USP28: variants seen among roughly 807,000 people sequenced by gnomAD.
USP28 encodes the protein ubiquitin carboxyl-terminal hydrolase 28.
A neutral mutation model predicts 145.0 loss-of-function variants in USP28; 113 were observed. That is an observed-to-expected ratio of 0.78 (90% CI 0.67 to 0.91). The LOEUF is 0.91. Ranked by LOEUF, USP28 falls within the 40% of genes least tolerant of loss-of-function variation. USP28 has a pLI of 0.00. For synonymous variants in USP28, 447 were observed against 450.9 expected (o/e 0.99, Z 0.11); for missense variants, 1,201 against 1,289.6 (o/e 0.93, Z 1.05).
rs1216478531 is a variant in USP28 at position 113,870,024 on chromosome 11, T to C, written c.57+5421A>G. On this transcript the variant is annotated intron_variant, in intron 1 of 24. Coordinates refer to ENST00000003302, the Ensembl canonical transcript of USP28. ...CTAAAAATACAAAATTAGCTGGGCA[T>C]GGTGGTGCATGCCTGTAATCCCAGC... 3.3e-5 allele frequency among the ~76,000 whole-genome samples: 5 copies of C among 152,046 alleles called. 1 individual carries two copies. The South Asian group carries it at 1.0e-3, about 32-fold the overall frequency.
exon 25 of USP28, chr11:113,798,192 A>T (rs1340685052): frequency 6.7e-6 from 1 of 150,188 alleles, no homozygotes; most frequent in African/African-American, 2.5e-5. Flanking sequence ...AGGCAGATAG[A>T]TCACTTGAGG....
intron 18 of USP28, 69 bp from the exon 19 acceptor site, chr11:113,808,205 A>G (rs895209139): frequency 1.9e-6 from 3 of 1,553,838 alleles, no homozygotes; most frequent in South Asian, 1.2e-5. Flanking sequence ...GGTTAAAGGC[A>G]GCAGAGACAC....
intron 14 of USP28, 33 bp from the exon 15 acceptor site, chr11:113,813,988 A>G (rs1204156594): frequency 6.6e-7 from 1 of 1,516,502 alleles, no homozygotes; most frequent in African/African-American, 1.4e-5. Context: ...AAGCTTCACT[A>G]AAATGATCTC....
At chr11:113,860,797 C>A (rs1947592825) in intron 1 of USP28, among the ~76,000 whole-genome samples, 1 of 140,886 alleles carries the variant, frequency 7.1e-6, no homozygotes, top group Admixed American at 7.5e-5. Context: ...CCAGCCTGCA[C>A]AACAGAGCAA....
chr11:113,867,242 T>C (rs1565512500), intron 1 of USP28, among the ~76,000 whole-genome samples: 1 of 152,142 alleles, frequency 6.6e-6, no homozygotes, highest in African/African-American at 2.4e-5. Flanking sequence ...TGTGAATATA[T>C]TAAATGTCAC....
At chr11:113,855,001 A>G (rs1252960456) in intron 1 of USP28, among the ~76,000 whole-genome samples, 3 of 152,182 alleles carry the variant, frequency 2.0e-5, no homozygotes, top group Non-Finnish European at 1.5e-5. Flanking sequence ...GTGCTATTTT[A>G]AGCTTTCCTG....
chr11:113,854,460 G>C, intron 1 of USP28, 125 bp from the exon 2 acceptor site: 1 of 822,896 alleles, frequency 1.2e-6, no homozygotes, highest in South Asian at 1.7e-5. Context: ...GGAGTGCAGT[G>C]GCCGGATCTC....
chr11:113,870,399 C>T (rs1387048201), intron 1 of USP28, among the ~76,000 whole-genome samples: 5 of 152,062 alleles, frequency 3.3e-5, no homozygotes, highest in African/African-American at 4.8e-5. Context: ...CGGTGATGCA[C>T]GCCTGTGGTC....
At chr11:113,864,510 A>G (rs547039439) in intron 1 of USP28, among the ~76,000 whole-genome samples, 7 of 152,196 alleles carry the variant, frequency 4.6e-5, no homozygotes, top group African/African-American at 7.2e-5. Context: ...AAGAACCAGG[A>G]AAGTTGAGTG....
intron 1 of USP28, among the ~76,000 whole-genome samples, chr11:113,870,737 C>A (rs1225572004): frequency 6.6e-6 from 1 of 152,226 alleles, no homozygotes; most frequent in Non-Finnish European, 1.5e-5. Context: ...AATCTGGGAA[C>A]CAACCTTCCT....
rs1939618208 is a variant in USP28, at chr11:113,804,664, A to T, written c.2658+9T>A. ...TTTTTGCTCTATAGACTTAAAGAAA[A>T]CACTTTACCTTGTACTCTTCCATAT... On this transcript the variant is annotated intron_variant, in intron 21 of 24. Transcript: ENST00000003302. 6.2e-7 allele frequency: 1 copy of T among 1,609,466 alleles called. No homozygotes were observed. The highest frequency in any genetic ancestry group is 1.3e-5 in the African/African-American group (1 of 74,740).
chr11:113,828,705 C>G (rs896632249), intron 10 of USP28: 10 of 308,644 alleles, frequency 3.2e-5, no homozygotes, highest in African/African-American at 1.8e-4. Flanking sequence ...TAACTTCCCC[C>G]GTCTTTCCAA....
At chr11:113,847,400 A>G (rs904328932) in intron 3 of USP28, among the ~76,000 whole-genome samples, 1 of 136,596 alleles carries the variant, frequency 7.3e-6, no homozygotes, top group Non-Finnish European at 1.5e-5. Flanking sequence ...GAAAACTGAC[A>G]TAACAAAGGA....
At chr11:113,806,670 G>A in intron 18 of USP28, 86 bp from the exon 20 acceptor site, 2 of 945,158 alleles carry the variant, frequency 2.1e-6, no homozygotes, top group Non-Finnish European at 3.1e-6. Flanking sequence ...TGAACAGAGT[G>A]CTAAAGGGCA....
Position 113,830,850 on chromosome 11 carries a change from C to T in USP28, c.910+17G>A. ...TGATCAAAGGTCTAGAATTAAAATT[C>T]AGAGCAGAGAATTTACCTTCACGAA... On this transcript the variant is annotated intron_variant, in intron 9 of 24. Transcript: ENST00000003302. The T allele has an allele frequency of 6.2e-7, 1 of 1,609,908 alleles. No individual in the cohort carries two copies. The highest frequency in any genetic ancestry group is 8.5e-7 in the Non-Finnish European group (1 of 1,178,048).
intron 5 of USP28, among the ~76,000 whole-genome samples, chr11:113,839,000 G>GA (rs1944896769): frequency 6.6e-6 from 1 of 152,182 alleles, no homozygotes; most frequent in Non-Finnish European, 1.5e-5. Flanking sequence ...ATGCCTGATC[G>GA]ATACTTCTGG....
chr11:113,819,137 G>T (rs1314729481), intron 12 of USP28, among the ~76,000 whole-genome samples: 1 of 148,522 alleles, frequency 6.7e-6, no homozygotes, highest in Non-Finnish European at 1.5e-5. Flanking sequence ...TTTTGAGACA[G>T]AGTCTCATTT....
In USP28 at chr11:113,823,778, A is replaced by G. The variant is rs906337034; in HGVS notation, c.1188-78T>C. 7 of 1,234,384 alleles carry G rather than the reference A, an allele frequency of 5.7e-6. No homozygotes were observed. In the African/African-American group the frequency reaches 9.2e-5, roughly 16 times the overall value. The allele number at this position is 1,234,384 out of a possible 1,614,324, so 76.5% of individuals were successfully genotyped here. A position where few individuals can be genotyped will look rare whatever the true frequency, so the allele number is the denominator to read the frequency against. On this transcript the variant is annotated intron_variant, in intron 11 of 24. Coordinates refer to ENST00000003302, the Ensembl canonical transcript of USP28. ...AAAGTCTCAGTAAACTAAAGATTCA[A>G]GGAAACTTCTTCAATCAGATATAGG...
At chr11:113,821,006 A>G in intron 12 of USP28, 1 of 191,350 alleles carries the variant, frequency 5.2e-6, no homozygotes, top group East Asian at 1.4e-4. Flanking sequence ...GAGATGCTTC[A>G]AAGACATGGT....
Sources: gnomAD v4.1 joint callset for allele counts (sites outside exome capture counted in the v4.1 genomes callset) on GRCh38, gnomAD v4.1.1 for gene constraint, MANE v1.5 for transcripts, NCBI Gene and HGNC (gene_info 2026-07-23, HGNC 2026-07-21) for gene names.